Variants in GPBP1 observed in about 807,000 individuals in gnomAD.
The protein encoded by GPBP1 is GC-rich promoter binding protein 1, also known as vasculin.
Under a neutral mutation model 56.5 loss-of-function variants are expected in GPBP1, and 13 were observed. That is an observed-to-expected ratio of 0.23 (90% CI 0.15 to 0.37). The LOEUF is 0.37. Among genes scored for constraint, GPBP1 ranks in the 10% least tolerant of loss-of-function variants. The probability of loss-of-function intolerance (pLI) is 1.00; values close to 1 mark genes in which losing one functional copy is unlikely to be tolerated. For missense variants in GPBP1, 477 were observed against 572.3 expected (o/e 0.83, Z 1.70); for synonymous variants, 204 against 188.9 (o/e 1.08, Z -0.66).
intron 2 of GPBP1, among the ~76,000 whole-genome samples, chr5:57,190,954 TAAAACATGTTGTCTTGAACTCTAGGC>T (rs1204523994): frequency 6.6e-6 from 1 of 151,976 alleles, no homozygotes; most frequent in Non-Finnish European, 1.5e-5. Context: ...GAACTCTAGG[TAAAACATGTTGTCTTGAACTCTAGGC>T]AAAACATATT....
intron 2 of GPBP1, among the ~76,000 whole-genome samples, chr5:57,212,049 G>C (rs1425020376): frequency 6.6e-6 from 1 of 151,932 alleles, no homozygotes; most frequent in South Asian, 2.1e-4. Context: ...CGATTTTCCT[G>C]CGTCAGCCCC....
chr5:57,212,138 C>G (rs1755515175), intron 2 of GPBP1, among the ~76,000 whole-genome samples: 2 of 151,900 alleles, frequency 1.3e-5, no homozygotes, highest in African/African-American at 4.8e-5. Context: ...CCATTTTGGC[C>G]AGGCCGATCT....
intron 11 of GPBP1, among the ~76,000 whole-genome samples, chr5:57,262,298 TAATAAA>T (rs1741930913): frequency 6.6e-6 from 1 of 152,162 alleles, no homozygotes; most frequent in African/African-American, 2.4e-5. Flanking sequence ...TAGGTCAGAA[TAATAAA>T]AATAACAGAT....
chr5:57,260,680 G>A (rs1024048847), intron 10 of GPBP1, among the ~76,000 whole-genome samples: 4 of 152,038 alleles, frequency 2.6e-5, no homozygotes, highest in Admixed American at 6.6e-5. Context: ...GAAGTACTTA[G>A]GGGTTTCATT....
chr5:57,256,502 T>C (rs551652754), intron 10 of GPBP1, among the ~76,000 whole-genome samples: 6 of 152,252 alleles, frequency 3.9e-5, no homozygotes, highest in East Asian at 1.9e-4. Context: ...CAAGTTTTTT[T>C]CCCTTAAACC....
intron 2 of GPBP1, among the ~76,000 whole-genome samples, chr5:57,177,648 CTTTTTT>C (rs58708281): frequency 2.7e-4 from 25 of 92,240 alleles, no homozygotes; most frequent in African/African-American, 7.1e-4. Flanking sequence ...CAATTTTTGC[CTTTTTT>C]TTTTTTTTTT....
At chr5:57,206,441 C>T (rs978035279) in intron 2 of GPBP1, among the ~76,000 whole-genome samples, 5 of 152,072 alleles carry the variant, frequency 3.3e-5, no homozygotes, top group Non-Finnish European at 5.9e-5. Flanking sequence ...CTCTGTTGCC[C>T]AGGCTGGAGT....
intron 2 of GPBP1, among the ~76,000 whole-genome samples, chr5:57,190,435 A>G (rs1754470030): frequency 6.6e-6 from 1 of 151,950 alleles, no homozygotes; most frequent in Non-Finnish European, 1.5e-5. Context: ...AAGTATAAAA[A>G]TTAGCCGAGC....
At chr5:57,201,119 C>T (rs886444135) in intron 2 of GPBP1, among the ~76,000 whole-genome samples, 5 of 152,092 alleles carry the variant, frequency 3.3e-5, no homozygotes, top group East Asian at 1.9e-4. Flanking sequence ...CCACTGCGCT[C>T]GGCCATGAGC....
chr5:57,180,732 T>C (rs1754006221), intron 2 of GPBP1, among the ~76,000 whole-genome samples: 1 of 152,152 alleles, frequency 6.6e-6, no homozygotes, highest in African/African-American at 2.4e-5. Context: ...AATACAGATG[T>C]AAAGATTTTT....
intron 2 of GPBP1, among the ~76,000 whole-genome samples, chr5:57,181,759 A>G (rs1579969303): frequency 6.6e-6 from 1 of 152,254 alleles, no homozygotes; most frequent in Non-Finnish European, 1.5e-5. Context: ...GAAATTGATA[A>G]TTTTGTGGGC....
rs116178393 is a variant in GPBP1, at chr5:57,253,903, C to T, written c.1160+2762C>T. On this transcript the variant is annotated intron_variant, in intron 10 of 11. Coordinates refer to ENST00000506184, the MANE Select transcript of GPBP1 (RefSeq NM_022913.4). ...CCTCCCAGAGGGCTGGGAGTAGAGG[C>T]GTGAGCCACGACACCTGGCTAGATC... Among the ~76,000 whole-genome samples, 713 of 152,150 alleles carry T rather than the reference C, an allele frequency of 4.7e-3. 8 individuals carry two copies. Among genetic ancestry groups the T allele is most frequent in the African/African-American group, 0.016 (660 of 41,510 alleles).
intron 2 of GPBP1, among the ~76,000 whole-genome samples, chr5:57,185,702 T>C: frequency 6.7e-6 from 1 of 149,468 alleles, no homozygotes; most frequent in Middle Eastern, 3.5e-3. Context: ...TTTGCCTGTT[T>C]AAAAAAAAAA....
rs1741960085 is a variant in GPBP1 at position 57,262,783 on chromosome 5, T to C, written c.*31T>C. 2 of 1,586,420 alleles carry C rather than the reference T, an allele frequency of 1.3e-6. No homozygotes were observed. The highest frequency in any genetic ancestry group is 1.3e-5 in the African/African-American group (1 of 74,496). ...TTCCTAACAGCTTTAGAAATCTTAGTGTGATACATCTCTCATACAGTTTGG... is the reference window on the plus strand; with the variant it reads ...TTCCTAACAGCTTTAGAAATCTTAGCGTGATACATCTCTCATACAGTTTGG... On this transcript the variant is annotated 3_prime_UTR_variant, in exon 12 of 12. Transcript: ENST00000506184.
At chr5:57,222,010 T>C (rs1475757082) in intron 3 of GPBP1, among the ~76,000 whole-genome samples, 2 of 152,216 alleles carry the variant, frequency 1.3e-5, no homozygotes, top group African/African-American at 4.8e-5. Context: ...AATGAAACTT[T>C]TTTTTTCAAC....
chr5:57,226,975 G>A (rs1419851851), intron 3 of GPBP1, among the ~76,000 whole-genome samples: 7 of 151,808 alleles, frequency 4.6e-5, no homozygotes, highest in African/African-American at 9.7e-5. Flanking sequence ...TCCTGACCTC[G>A]TGATCCTCCT....
intron 9 of GPBP1, among the ~76,000 whole-genome samples, chr5:57,250,745 A>G (rs1003842288): frequency 1.3e-5 from 2 of 151,932 alleles, no homozygotes; most frequent in Non-Finnish European, 2.9e-5. Context: ...GGGTTTCACC[A>G]TTTTGGCCAG....
chr5:57,179,691 C>T (rs898911774), intron 2 of GPBP1, among the ~76,000 whole-genome samples: 9 of 152,038 alleles, frequency 5.9e-5, no homozygotes, highest in South Asian at 4.1e-4. Flanking sequence ...TCTGCCTCCC[C>T]GGTTCAAGCG....
chr5:57,252,833 C>T (rs2111951764), intron 10 of GPBP1, among the ~76,000 whole-genome samples: 1 of 152,068 alleles, frequency 6.6e-6, no homozygotes, highest in Non-Finnish European at 1.5e-5. Flanking sequence ...CTTCAGCCTC[C>T]TCAGTAGTTG....
Sources: gnomAD v4.1 joint callset for allele counts (sites outside exome capture counted in the v4.1 genomes callset) on GRCh38, gnomAD v4.1.1 for gene constraint, MANE v1.5 for transcripts, NCBI Gene and HGNC (gene_info 2026-07-23, HGNC 2026-07-21) for gene names.